FBXO33: variants seen among roughly 807,000 people sequenced by gnomAD.
The protein encoded by FBXO33 is F-box protein 33, also known as F-box only protein 33.
In FBXO33, 22 loss-of-function variants were observed where a neutral mutation model predicts 46.3. The observed-to-expected ratio is 0.48, with a 90% CI of 0.34 to 0.68. The LOEUF (loss-of-function observed/expected upper bound fraction) is 0.68. Ranked by LOEUF, FBXO33 falls within the 30% of genes least tolerant of loss-of-function variation. The probability of loss-of-function intolerance (pLI) is 0.01; values close to 1 mark genes in which losing one functional copy is unlikely to be tolerated. For synonymous variants in FBXO33, 337 were observed against 291.3 expected, an observed-to-expected ratio of 1.16 and a Z score of -1.60; for missense variants, 692 against 708.8, an observed-to-expected ratio of 0.98 and a Z score of 0.27.
At chr14:39,416,950 C>G (rs1408258279) in intron 1 of FBXO33, among the ~76,000 whole-genome samples, 1 of 152,112 alleles carries the variant, frequency 6.6e-6, no homozygotes, top group African/African-American at 2.4e-5. Flanking sequence ...AGAAACAGTA[C>G]TTTTTCCAGT....
At chr14:39,416,106 CCTTT>C (rs1193313891) in intron 1 of FBXO33, among the ~76,000 whole-genome samples, 6 of 152,018 alleles carry the variant, frequency 3.9e-5, no homozygotes, top group East Asian at 1.9e-4. Flanking sequence ...ATTTATTGTT[CCTTT>C]GTTTCATGTT....
At chr14:39,417,969 C>A (rs2075457380) in intron 1 of FBXO33, among the ~76,000 whole-genome samples, 1 of 152,176 alleles carries the variant, frequency 6.6e-6, no homozygotes, top group African/African-American at 2.4e-5. Context: ...AAACCATACA[C>A]AGACTGTTAT....
chr14:39,431,419 G>T, intron 1 of FBXO33, 145 bp downstream of exon 1: 2 of 1,414,554 alleles, frequency 1.4e-6, no homozygotes, highest in Non-Finnish European at 9.5e-7. Flanking sequence ...CAAGGAAACC[G>T]CCTAGTTAGA....
rs933942507 is a variant in FBXO33, at chr14:39,432,253, G to A, written c.-91C>T. ...GTGGAGAGGGGGAAAGGCCTCTGCGGGCGTGGCCTGCCGGGAGCCAGCCTC... is the reference window on the plus strand; with the variant it reads ...GTGGAGAGGGGGAAAGGCCTCTGCGAGCGTGGCCTGCCGGGAGCCAGCCTC... On this transcript the variant is annotated 5_prime_UTR_variant, in exon 1 of 4. Coordinates refer to ENST00000298097, the MANE Select transcript of FBXO33 (RefSeq NM_203301.4). 3.7e-6 allele frequency: 4 copies of A among 1,068,732 alleles called. No homozygotes were observed. Among genetic ancestry groups the A allele is most frequent in the Admixed American group, 9.6e-5 (2 of 20,914 alleles). The allele number at this position is 1,068,732 out of a possible 1,614,324, so 66.2% of individuals were successfully genotyped here.
intron 1 of FBXO33, among the ~76,000 whole-genome samples, chr14:39,421,693 T>A (rs1411656094): frequency 6.6e-6 from 1 of 152,178 alleles, no homozygotes; most frequent in Non-Finnish European, 1.5e-5. Flanking sequence ...GCTGTACAAG[T>A]GCTTGGTGAT....
chr14:39,421,044 C>T (rs1428414721), intron 1 of FBXO33, among the ~76,000 whole-genome samples: 1 of 152,168 alleles, frequency 6.6e-6, no homozygotes, highest in African/African-American at 2.4e-5. Context: ...ACAGGCATTA[C>T]CCAGCCCTGT....
Position 39,431,559 on chromosome 14 carries a change from C to T in FBXO33, c.599+5G>A, listed in dbSNP as rs1335478171. The T allele has an allele frequency of 1.9e-6, 3 of 1,611,108 alleles. No individual in the cohort carries two copies. The highest frequency in any genetic ancestry group is 3.3e-5 in the Admixed American group (2 of 60,022). ...CGGGCGGGGCGGGGCTCAGGGCAAG[C>T]CTACCTGTTGTTCCGGATGCTGACC... On this transcript the variant is annotated splice_donor_5th_base_variant and intron_variant, in intron 1 of 3. Transcript: ENST00000298097.
chr14:39,413,332 T>G (rs1372288371), intron 1 of FBXO33, among the ~76,000 whole-genome samples: 1 of 152,230 alleles, frequency 6.6e-6, no homozygotes, highest in Non-Finnish European at 1.5e-5. Context: ...TTGTAGCAAT[T>G]TAGTCAAATC....
rs1437460418 is a variant in FBXO33, at chr14:39,402,498, A to C, written c.613T>G (p.Phe205Val). ...ACACTTATGTCTCCAAAAAGACTAA[A>C]CTTCTGAAGGTTCCTACAAGAACAA... ...SIRNNRNLQK[F>V]SLFGDISVLQ... The change falls in exon 2 of 4, where the codon TTT becomes GTT. Residue 205 changes from phenylalanine (F) to valine (V), a missense_variant. Coordinates refer to ENST00000298097, the MANE Select transcript of FBXO33 (RefSeq NM_203301.4). The C allele has an allele frequency of 1.3e-6, 2 of 1,519,088 alleles. No individual in the cohort carries two copies. Among genetic ancestry groups the C allele is most frequent in the Non-Finnish European group, 1.8e-6 (2 of 1,131,578 alleles). 94.1% of individuals were successfully genotyped at this position (1,519,088 alleles called of 1,614,324 possible). A position where few individuals can be genotyped will look rare whatever the true frequency, so the allele number is the denominator to read the frequency against.
intron 1 of FBXO33, among the ~76,000 whole-genome samples, chr14:39,431,126 A>C (rs753929785): frequency 1.4e-4 from 22 of 152,194 alleles, no homozygotes; most frequent in Non-Finnish European, 4.4e-5. Flanking sequence ...TCCTATGAGT[A>C]CCTACTCCTT....
chr14:39,407,442 AAC>A (rs1464518086), intron 1 of FBXO33, among the ~76,000 whole-genome samples: 3 of 152,236 alleles, frequency 2.0e-5, no homozygotes, highest in East Asian at 3.8e-4. Context: ...CTCATTGATT[AAC>A]AGTTTTCCAT....
intron 1 of FBXO33, among the ~76,000 whole-genome samples, chr14:39,411,122 G>A (rs1210133638): frequency 1.3e-5 from 2 of 151,830 alleles, no homozygotes; most frequent in African/African-American, 2.4e-5. Context: ...TTGAGACAGA[G>A]TCTTGCACTG....
intron 1 of FBXO33, among the ~76,000 whole-genome samples, chr14:39,414,116 T>C (rs896627607): frequency 2.0e-5 from 3 of 152,222 alleles, no homozygotes; most frequent in African/African-American, 4.8e-5. Flanking sequence ...CACTGAAAAA[T>C]CTGTTGTTTA....
intron 1 of FBXO33, among the ~76,000 whole-genome samples, chr14:39,429,974 T>A (rs1237823846): frequency 6.6e-6 from 1 of 152,244 alleles, no homozygotes; most frequent in Non-Finnish European, 1.5e-5. Context: ...ACTTATCAAG[T>A]CTTGTTCTTA....
At chr14:39,429,692 A>C (rs758463816) in intron 1 of FBXO33, among the ~76,000 whole-genome samples, 3 of 152,232 alleles carry the variant, frequency 2.0e-5, no homozygotes, top group Non-Finnish European at 2.9e-5. Context: ...ATGACATACA[A>C]CACCATGCTA....
At chr14:39,412,855 TAC>T (rs2075430100) in intron 1 of FBXO33, among the ~76,000 whole-genome samples, 1 of 152,238 alleles carries the variant, frequency 6.6e-6, no homozygotes, top group African/African-American at 2.4e-5. Flanking sequence ...AAAAAAGCAA[TAC>T]ATATACCTTA....
rs2075490675 is a variant in FBXO33, at chr14:39,422,603, G to A, written c.599+8961C>T. Among the ~76,000 whole-genome samples, 3 of 152,150 alleles carry A rather than the reference G, an allele frequency of 2.0e-5. 1 individual carries two copies. The South Asian group carries it at 6.2e-4, about 31-fold the overall frequency. ...TGGCTGACTTCTTCTACATTTCATT[G>A]CTTTCCATGCTGTGTCTTTTTCTTT... On this transcript the variant is annotated intron_variant, in intron 1 of 3. Coordinates refer to ENST00000298097, the MANE Select transcript of FBXO33 (RefSeq NM_203301.4).
intron 1 of FBXO33, among the ~76,000 whole-genome samples, chr14:39,402,999 T>A (rs553523402): frequency 2.6e-5 from 4 of 152,244 alleles, no homozygotes; most frequent in Middle Eastern, 3.4e-3. Context: ...CATGGAAAAG[T>A]CTCTTAATGT....
chr14:39,407,802 T>C (rs144517300), intron 1 of FBXO33, among the ~76,000 whole-genome samples: 1 of 152,338 alleles, frequency 6.6e-6, no homozygotes, highest in East Asian at 1.9e-4. Flanking sequence ...TCTTTTTGTA[T>C]ACATATCCAG....
Sources: gnomAD v4.1 joint callset for allele counts (sites outside exome capture counted in the v4.1 genomes callset) on GRCh38, gnomAD v4.1.1 for gene constraint, MANE v1.5 for transcripts, NCBI Gene and HGNC (gene_info 2026-07-23, HGNC 2026-07-21) for gene names.